The following GNAQ variants were observed in gnomAD, a reference collection of about 807,000 sequenced individuals.
GNAQ encodes the protein guanine nucleotide-binding protein G(q) subunit alpha.
GNAQ carries 8 observed loss-of-function variants against 43.9 expected under a neutral mutation model. The ratio of observed to expected loss-of-function variants is 0.18; its 90% CI spans 0.11 to 0.33. The LOEUF (loss-of-function observed/expected upper bound fraction) is 0.33. Among genes scored for constraint, GNAQ ranks in the 10% least tolerant of loss-of-function variants. The pLI, the probability that GNAQ is intolerant of heterozygous loss-of-function variation, is 1.00. For missense variants in GNAQ, 158 were observed against 450.8 expected, an observed-to-expected ratio of 0.35 and a Z score of 5.88; for synonymous variants, 155 against 170.7, an observed-to-expected ratio of 0.91 and a Z score of 0.71.
chr9:77,806,814 G>C (rs1826837887), intron 3 of GNAQ, among the ~76,000 whole-genome samples: 1 of 152,138 alleles, frequency 6.6e-6, no homozygotes, highest in Non-Finnish European at 1.5e-5. Flanking sequence ...AAGAAAAAAG[G>C]ACACAAATCA....
intron 1 of GNAQ, among the ~76,000 whole-genome samples, chr9:78,029,255 A>C (rs537782069): frequency 6.6e-6 from 1 of 152,310 alleles, no homozygotes; most frequent in South Asian, 2.1e-4. Flanking sequence ...CCAGTTCACA[A>C]TTAAACAGAA....
intron 2 of GNAQ, among the ~76,000 whole-genome samples, chr9:77,863,235 G>GGAGGAAGGAAGA (rs1369610943): frequency 6.6e-6 from 1 of 151,876 alleles, no homozygotes; most frequent in Non-Finnish European, 1.5e-5. Context: ...AGGAAGAAAG[G>GGAGGAAGGAAGA]AAGGAAGGAA....
chr9:77,815,380 G>A (rs74374269), intron 3 of GNAQ, among the ~76,000 whole-genome samples: 5,483 of 152,164 alleles, frequency 0.036, 288 homozygotes, highest in African/African-American at 0.12. Context: ...TCTTCAGTTT[G>A]TTTTTCAAAC....
intron 5 of GNAQ, among the ~76,000 whole-genome samples, chr9:77,732,028 A>C (rs1026601496): frequency 6.6e-6 from 1 of 152,152 alleles, no homozygotes; most frequent in Non-Finnish European, 1.5e-5. Context: ...CTAAATCCTA[A>C]ATGGACTAAA....
intron 3 of GNAQ, among the ~76,000 whole-genome samples, chr9:77,814,199 A>G (rs1039303552): frequency 6.6e-6 from 1 of 152,194 alleles, no homozygotes; most frequent in African/African-American, 2.4e-5. Context: ...AGCTGAATGC[A>G]TCTTTTTCAT....
intron 3 of GNAQ, among the ~76,000 whole-genome samples, chr9:77,809,107 TC>T (rs1242348974): frequency 6.6e-6 from 1 of 152,278 alleles, no homozygotes; most frequent in East Asian, 1.9e-4. Context: ...TGCTAGTTCA[TC>T]ATCAGACTCA....
chr9:77,929,036 A>C (rs1829109586), intron 1 of GNAQ, among the ~76,000 whole-genome samples: 1 of 152,204 alleles, frequency 6.6e-6, no homozygotes, highest in Admixed American at 6.5e-5. Context: ...AATAAAAATA[A>C]AATGGTAAAT....
At chr9:78,013,673 T>G (rs1236966401) in intron 1 of GNAQ, among the ~76,000 whole-genome samples, 1 of 152,212 alleles carries the variant, frequency 6.6e-6, no homozygotes, top group Non-Finnish European at 1.5e-5. Context: ...ATTGCTAATT[T>G]GTCTATAACA....
intron 5 of GNAQ, among the ~76,000 whole-genome samples, chr9:77,785,840 G>A (rs889328118): frequency 7.9e-5 from 12 of 151,900 alleles, no homozygotes; most frequent in Admixed American, 3.9e-4. Context: ...CTTATTTGAC[G>A]GGCTGATCTT....
At chr9:77,952,446 T>G (rs1052730745) in intron 1 of GNAQ, among the ~76,000 whole-genome samples, 1 of 152,188 alleles carries the variant, frequency 6.6e-6, no homozygotes, top group Admixed American at 6.5e-5. Flanking sequence ...AACAAAAATA[T>G]TGATGACACA....
At chr9:77,843,688 G>C (rs1346294358) in intron 2 of GNAQ, among the ~76,000 whole-genome samples, 1 of 152,192 alleles carries the variant, frequency 6.6e-6, no homozygotes, top group Non-Finnish European at 1.5e-5. Context: ...GAAGTAAAAG[G>C]AAGTCTACAG....
chr9:78,029,816 T>C (rs1404523827), intron 1 of GNAQ, among the ~76,000 whole-genome samples: 1 of 152,248 alleles, frequency 6.6e-6, no homozygotes, highest in Non-Finnish European at 1.5e-5. Context: ...ACAATATTCT[T>C]TTCTTACAGA....
chr9:78,022,116 T>TCA (rs1450439751), intron 1 of GNAQ, among the ~76,000 whole-genome samples: 2 of 152,152 alleles, frequency 1.3e-5, no homozygotes, highest in African/African-American at 2.4e-5. Flanking sequence ...TGCAGGGCAC[T>TCA]CAGAGTTATT....
intron 2 of GNAQ, among the ~76,000 whole-genome samples, chr9:77,832,900 C>T (rs904721782): frequency 6.6e-6 from 1 of 152,198 alleles, no homozygotes; most frequent in Non-Finnish European, 1.5e-5. Context: ...TTGGCCTTTT[C>T]AATTTCACAG....
chr9:77,952,434 A>G (rs939610223), intron 1 of GNAQ, among the ~76,000 whole-genome samples: 1 of 152,204 alleles, frequency 6.6e-6, no homozygotes, highest in Non-Finnish European at 1.5e-5. Flanking sequence ...TAGTCATTCT[A>G]TAACAAAAAT....
intron 2 of GNAQ, 28 bp from the exon 3 acceptor site, chr9:77,815,798 A>C (rs758531946): frequency 2.5e-6 from 4 of 1,570,124 alleles, no homozygotes; most frequent in African/African-American, 2.7e-5. Flanking sequence ...GGCAGTTTTA[A>C]TACCCTATTA....
At chr9:77,777,832 A>G (rs1256675761) in intron 5 of GNAQ, among the ~76,000 whole-genome samples, 1 of 152,074 alleles carries the variant, frequency 6.6e-6, no homozygotes, top group African/African-American at 2.4e-5. Flanking sequence ...GTTGGCTAGC[A>G]TAAGGAGAAA....
At chr9:77,968,917 G>A (rs1823202741) in intron 1 of GNAQ, among the ~76,000 whole-genome samples, 1 of 152,200 alleles carries the variant, frequency 6.6e-6, no homozygotes, top group Non-Finnish European at 1.5e-5. Context: ...GGGAAGTGAT[G>A]CCACCAGCAA....
At chr9:77,864,153 G>A (rs1470803718) in intron 2 of GNAQ, among the ~76,000 whole-genome samples, 2 of 151,244 alleles carry the variant, frequency 1.3e-5, no homozygotes, top group East Asian at 1.9e-4. Flanking sequence ...AGAAAGAGGG[G>A]AGGAAGGTGC....
Sources: allele counts gnomAD v4.1 joint callset (sites outside exome capture counted in the v4.1 genomes callset), GRCh38; gene constraint gnomAD v4.1.1; transcripts MANE v1.5; gene names NCBI Gene and HGNC (gene_info 2026-07-23, HGNC 2026-07-21).